The following GPA33 variants were observed in gnomAD, a reference collection of about 807,000 sequenced individuals.
GPA33 encodes glycoprotein A33.
A neutral mutation model predicts 35.6 loss-of-function variants in GPA33; 27 were observed. The observed-to-expected ratio is 0.76, with a 90% CI of 0.56 to 1.04. The LOEUF is 1.04. Among genes scored for constraint, GPA33 ranks in the 50% least tolerant of loss-of-function variants. The pLI, the probability that GPA33 is intolerant of heterozygous loss-of-function variation, is 0.00. For missense variants in GPA33, 428 were observed against 411.9 expected, an observed-to-expected ratio of 1.04 and a Z score of -0.34; for synonymous variants, 176 against 164.0, an observed-to-expected ratio of 1.07 and a Z score of -0.56.
intron 1 of GPA33, among the ~76,000 whole-genome samples, chr1:167,074,455 C>G (rs1475055466): frequency 1.3e-5 from 2 of 152,162 alleles, no homozygotes; most frequent in African/African-American, 4.8e-5. Context: ...TGGGAGTGAG[C>G]AAACCCAGCC....
At chr1:167,063,005 G>A (rs765842610) in intron 4 of GPA33, among the ~76,000 whole-genome samples, 9 of 152,214 alleles carry the variant, frequency 5.9e-5, no homozygotes, top group African/African-American at 9.6e-5. Context: ...ATCAGGGCAC[G>A]TTCATCCAAG....
intron 1 of GPA33, among the ~76,000 whole-genome samples, chr1:167,080,337 T>C (rs1043374885): frequency 1.3e-5 from 2 of 152,230 alleles, no homozygotes; most frequent in Non-Finnish European, 2.9e-5. Context: ...CAAGCGCCTT[T>C]ACCTGCAAGG....
At position 167,073,555 on chromosome 1, in the gene GPA33, G is replaced by A. The variant is rs373814774; in HGVS notation, c.44-16C>T. The A allele has an allele frequency of 4.0e-4, 652 of 1,610,944 alleles. 3 individuals carry two copies. Among genetic ancestry groups the A allele is most frequent in the South Asian group, 4.0e-4 (36 of 90,682 alleles). ...GTCACCCTGACTGGAAAGAAAGTAG[G>A]CAGTGGAAGGGAAAAGTAAGCGACA... On this transcript the variant is annotated splice_polypyrimidine_tract_variant and intron_variant, in intron 1 of 6. Coordinates refer to ENST00000367868, the MANE Select transcript of GPA33 (RefSeq NM_005814.3).
chr1:167,058,669 G>C (rs1243879562), intron 4 of GPA33: 1 of 152,086 alleles, frequency 6.6e-6, no homozygotes, highest in African/African-American at 2.4e-5. Context: ...TTCTATCCTA[G>C]AATTCCACGC....
intron 1 of GPA33, among the ~76,000 whole-genome samples, chr1:167,079,909 A>G (rs917884062): frequency 3.3e-5 from 5 of 151,904 alleles, no homozygotes; most frequent in Non-Finnish European, 5.9e-5. Context: ...TGCATCCCTC[A>G]TTTTCTCTCC....
chr1:167,081,202 G>C, intron 1 of GPA33, among the ~76,000 whole-genome samples: 1 of 152,230 alleles, frequency 6.6e-6, no homozygotes, highest in East Asian at 1.9e-4. Context: ...TGATGGAACC[G>C]GTGGCTTGAG....
intron 1 of GPA33, among the ~76,000 whole-genome samples, chr1:167,083,103 C>A (rs1666984134): frequency 6.6e-6 from 1 of 152,264 alleles, no homozygotes; most frequent in Non-Finnish European, 1.5e-5. Flanking sequence ...CCAGCTCTTG[C>A]AATACTGAAA....
intron 1 of GPA33, among the ~76,000 whole-genome samples, chr1:167,079,839 C>G (rs1012386301): frequency 2.6e-5 from 4 of 152,216 alleles, no homozygotes; most frequent in Non-Finnish European, 5.9e-5. Flanking sequence ...TTTTTCACCT[C>G]CATCTGGAAT....
chr1:167,081,341 C>T (rs940962143), intron 1 of GPA33, among the ~76,000 whole-genome samples: 1 of 152,134 alleles, frequency 6.6e-6, no homozygotes, highest in African/African-American at 2.4e-5. Context: ...ACCCAGCCAG[C>T]CCCAGGACCA....
intron 2 of GPA33, among the ~76,000 whole-genome samples, chr1:167,070,397 C>A (rs1475332184): frequency 6.6e-6 from 1 of 152,018 alleles, no homozygotes; most frequent in East Asian, 1.9e-4. Flanking sequence ...TTCACAACAC[C>A]CCTAAAGTAG....
chr1:167,068,775 C>T, intron 3 of GPA33, 147 bp downstream of exon 3: 1 of 622,450 alleles, frequency 1.6e-6, no homozygotes, highest in Non-Finnish European at 2.9e-6. Flanking sequence ...AGGAGCGGTC[C>T]CTCTGCTGAA....
chr1:167,058,255 A>C (rs558498586), intron 4 of GPA33: 1 of 152,198 alleles, frequency 6.6e-6, no homozygotes, highest in Non-Finnish European at 1.5e-5. Context: ...TATGCTCCTT[A>C]TAATAATTTA....
intron 3 of GPA33, among the ~76,000 whole-genome samples, chr1:167,064,816 G>A (rs923361653): frequency 1.3e-5 from 2 of 151,914 alleles, no homozygotes; most frequent in African/African-American, 4.8e-5. Flanking sequence ...GATGATGGGC[G>A]GAAGCAGTTG....
intron 3 of GPA33, among the ~76,000 whole-genome samples, chr1:167,065,533 G>T (rs569781610): frequency 6.6e-6 from 1 of 152,114 alleles, no homozygotes; most frequent in African/African-American, 2.4e-5. Context: ...TGGCTTGCTC[G>T]CTCAATAAAC....
At chr1:167,061,586 GTTTTTTTTTTTTTTTT>G (rs397981830) in intron 4 of GPA33, among the ~76,000 whole-genome samples, 4 of 74,626 alleles carry the variant, frequency 5.4e-5, no homozygotes, top group Non-Finnish European at 7.1e-5. Flanking sequence ...TCTACTAACT[GTTTTTTTTTTTTTTTT>G]TTTTTTTTTT....
chr1:167,087,001 ATGCAGCGGCACAT>A lies in GPA33; in HGVS notation c.43+3231_43+3243del, dbSNP rs1330906399. Among the ~76,000 whole-genome samples the A allele has an allele frequency of 5.3e-5, 8 of 152,036 alleles. 1 individual carries two copies. On this transcript the variant is annotated intron_variant, in intron 1 of 6. Coordinates refer to ENST00000367868, the MANE Select transcript of GPA33 (RefSeq NM_005814.3). The stretch of plus-strand genomic sequence containing the variant: ...CTTGCCTCTTTATGCATCCCTTTTC[ATGCAGCGGCACAT>A]TGCAGCACATCAAATCTTTCATGAA...
chr1:167,074,786 G>T (rs1174309852), intron 1 of GPA33, among the ~76,000 whole-genome samples: 1 of 151,886 alleles, frequency 6.6e-6, no homozygotes, highest in Non-Finnish European at 1.5e-5. Flanking sequence ...AAGTTGTGGG[G>T]GTGGGGGTGG....
chr1:167,084,713 AC>A (rs1264402528), intron 1 of GPA33, among the ~76,000 whole-genome samples: 1 of 152,214 alleles, frequency 6.6e-6, no homozygotes, highest in East Asian at 1.9e-4. Flanking sequence ...TGAGTGCACC[AC>A]CTTGGAAGTG....
At chr1:167,071,964 T>A in intron 2 of GPA33, among the ~76,000 whole-genome samples, 1 of 152,202 alleles carries the variant, frequency 6.6e-6, no homozygotes, top group East Asian at 1.9e-4. Context: ...AGACCTCAAG[T>A]CTGGCCTGCT....
Sources: gnomAD v4.1 joint callset for allele counts (sites outside exome capture counted in the v4.1 genomes callset) on GRCh38, gnomAD v4.1.1 for gene constraint, MANE v1.5 for transcripts, NCBI Gene and HGNC (gene_info 2026-07-23, HGNC 2026-07-21) for gene names.